Variants in KPNA3 observed in about 807,000 individuals in gnomAD.
KPNA3 encodes the protein importin subunit alpha-4.
KPNA3 carries 13 observed loss-of-function variants against 73.8 expected under a neutral mutation model. The observed-to-expected ratio is 0.18, with a 90% CI of 0.11 to 0.28. KPNA3 has a LOEUF of 0.28. KPNA3 is among the 10% of genes least tolerant of loss of function. KPNA3 has a pLI of 1.00. For synonymous variants in KPNA3, 186 were observed against 206.9 expected (o/e 0.90, Z 0.87); for missense variants, 360 against 618.1 (o/e 0.58, Z 4.43).
At chr13:49,766,496 T>C (rs985225468) in intron 1 of KPNA3, among the ~76,000 whole-genome samples, 7 of 152,218 alleles carry the variant, frequency 4.6e-5, no homozygotes, top group Non-Finnish European at 8.8e-5. Context: ...ACCTGTTCTC[T>C]TCCTGTGCTA....
intron 12 of KPNA3, among the ~76,000 whole-genome samples, chr13:49,709,140 C>T (rs757314619): frequency 1.3e-5 from 2 of 152,112 alleles, no homozygotes; most frequent in South Asian, 2.1e-4. Context: ...CGGTGGCTCA[C>T]GCCTGTAATC....
At chr13:49,723,221 T>G (rs537185978) in intron 7 of KPNA3, among the ~76,000 whole-genome samples, 5 of 152,290 alleles carry the variant, frequency 3.3e-5, no homozygotes, top group African/African-American at 1.2e-4. Context: ...ATTTCATATT[T>G]ATACAGAGTT....
chr13:49,714,781 A>C (rs1370543123), intron 10 of KPNA3, among the ~76,000 whole-genome samples: 1 of 152,086 alleles, frequency 6.6e-6, no homozygotes, highest in African/African-American at 2.4e-5. Flanking sequence ...AACATAATTA[A>C]ATTTAATATT....
At chr13:49,715,502 C>T (rs1474978759) in intron 10 of KPNA3, among the ~76,000 whole-genome samples, 2 of 152,162 alleles carry the variant, frequency 1.3e-5, no homozygotes, top group African/African-American at 4.8e-5. Context: ...TGTGACAACA[C>T]ACTCTATTGG....
At chr13:49,757,395 G>GA (rs919487907) in intron 1 of KPNA3, among the ~76,000 whole-genome samples, 1 of 151,922 alleles carries the variant, frequency 6.6e-6, no homozygotes, top group African/African-American at 2.4e-5. Flanking sequence ...CAAAAGAAAT[G>GA]AAAAAATATT....
At chr13:49,767,546 G>A (rs1026749239) in intron 1 of KPNA3, among the ~76,000 whole-genome samples, 4 of 152,136 alleles carry the variant, frequency 2.6e-5, no homozygotes, top group Non-Finnish European at 5.9e-5. Flanking sequence ...GTGTGAAAGA[G>A]TATCAAATTG....
intron 2 of KPNA3, among the ~76,000 whole-genome samples, chr13:49,740,184 T>C (rs934382576): frequency 6.6e-6 from 1 of 151,738 alleles, no homozygotes; most frequent in Non-Finnish European, 1.5e-5. Context: ...GAGGCAGAAG[T>C]TGCAGCGAGC....
At chr13:49,703,870 C>G (rs190664630) in intron 15 of KPNA3, among the ~76,000 whole-genome samples, 1 of 152,036 alleles carries the variant, frequency 6.6e-6, no homozygotes, top group African/African-American at 2.4e-5. Flanking sequence ...TGGGGGAAAT[C>G]GTTGCCAAAG....
intron 9 of KPNA3, among the ~76,000 whole-genome samples, chr13:49,721,378 T>C (rs893493550): frequency 6.6e-6 from 1 of 152,260 alleles, no homozygotes. Flanking sequence ...TTTCCTTTTG[T>C]ATTTTTCTCT....
At chr13:49,717,499 G>C (rs1294030754) in intron 10 of KPNA3, among the ~76,000 whole-genome samples, 1 of 150,012 alleles carries the variant, frequency 6.7e-6, no homozygotes, top group Non-Finnish European at 1.5e-5. Flanking sequence ...GAACGTATTA[G>C]GTTATTATCT....
intron 1 of KPNA3, among the ~76,000 whole-genome samples, chr13:49,764,922 C>T (rs906980030): frequency 6.6e-6 from 1 of 152,200 alleles, no homozygotes; most frequent in Non-Finnish European, 1.5e-5. Flanking sequence ...TATCAGCAAC[C>T]TTCTATTCAT....
intron 1 of KPNA3, among the ~76,000 whole-genome samples, chr13:49,765,648 A>C (rs928291796): frequency 9.2e-5 from 14 of 152,086 alleles, no homozygotes; most frequent in Non-Finnish European, 1.8e-4. Context: ...TATTTTCATC[A>C]CTACATAAAG....
At chr13:49,782,322 G>A (rs1383870738) in intron 1 of KPNA3, among the ~76,000 whole-genome samples, 1 of 152,116 alleles carries the variant, frequency 6.6e-6, no homozygotes. Flanking sequence ...TTTTCTTTCT[G>A]AGTTGGCAAA....
intron 1 of KPNA3, among the ~76,000 whole-genome samples, chr13:49,763,923 T>C: frequency 6.6e-6 from 1 of 152,054 alleles, no homozygotes; most frequent in East Asian, 1.9e-4. Context: ...AAAAATTAGC[T>C]GGGTGTGGTG....
At chr13:49,789,562 A>C (rs1200270242) in intron 1 of KPNA3, among the ~76,000 whole-genome samples, 1 of 152,218 alleles carries the variant, frequency 6.6e-6, no homozygotes, top group East Asian at 1.9e-4. Context: ...CCTATATGTG[A>C]AAAAATAGGC....
chr13:49,762,239 G>C (rs1456786115), intron 1 of KPNA3, among the ~76,000 whole-genome samples: 1 of 148,784 alleles, frequency 6.7e-6, no homozygotes, highest in Non-Finnish European at 1.5e-5. Flanking sequence ...CCGTCGCGGA[G>C]GGAGGAGGGG....
intron 1 of KPNA3, among the ~76,000 whole-genome samples, chr13:49,776,233 T>C (rs1242959675): frequency 1.3e-5 from 2 of 152,136 alleles, no homozygotes; most frequent in African/African-American, 4.8e-5. Flanking sequence ...TACAGAACTT[T>C]AACATCCAAG....
At chr13:49,709,543 T>C (rs531412549) in intron 12 of KPNA3, 29 bp downstream of exon 12, 40 of 1,555,576 alleles carry the variant, frequency 2.6e-5, no homozygotes, top group Middle Eastern at 1.7e-4. Context: ...CAGAAAGAAA[T>C]AGCATAATGA....
At chr13:49,768,098 T>C (rs1339292957) in intron 1 of KPNA3, among the ~76,000 whole-genome samples, 1 of 151,954 alleles carries the variant, frequency 6.6e-6, no homozygotes, top group Non-Finnish European at 1.5e-5. Context: ...CCCAACATAA[T>C]GAAACCCCGT....
Sources: gnomAD v4.1 joint callset for allele counts (sites outside exome capture counted in the v4.1 genomes callset) on GRCh38, gnomAD v4.1.1 for gene constraint, MANE v1.5 for transcripts, NCBI Gene and HGNC (gene_info 2026-07-23, HGNC 2026-07-21) for gene names.